ADGRB2: variants seen among roughly 807,000 people sequenced by gnomAD.
ADGRB2 encodes brain-specific angiogenesis inhibitor 2.
A neutral mutation model predicts 178.7 loss-of-function variants in ADGRB2; 47 were observed. That is an observed-to-expected ratio of 0.26 (90% CI 0.21 to 0.34). The LOEUF (loss-of-function observed/expected upper bound fraction) is 0.34, where lower values mean the gene tolerates loss of function less well. Ranked by LOEUF, ADGRB2 falls within the 10% of genes least tolerant of loss-of-function variation. The probability of loss-of-function intolerance (pLI) is 1.00; values close to 1 mark genes in which losing one functional copy is unlikely to be tolerated. For synonymous variants in ADGRB2, 870 were observed against 912.4 expected, an observed-to-expected ratio of 0.95 and a Z score of 0.84; for missense variants, 1,584 against 2,180.8, an observed-to-expected ratio of 0.73 and a Z score of 5.45.
chr1:31,745,617 G>A (rs903445619), intron 4 of ADGRB2, among the ~76,000 whole-genome samples: 1 of 152,224 alleles, frequency 6.6e-6, no homozygotes, highest in African/African-American at 2.4e-5. Context: ...AGAAGGGAAA[G>A]GCCCAGCAGC....
intron 4 of ADGRB2, among the ~76,000 whole-genome samples, chr1:31,746,814 T>G (rs1475991434): frequency 6.6e-6 from 1 of 151,974 alleles, no homozygotes; most frequent in Non-Finnish European, 1.5e-5. Flanking sequence ...CCACCCATTA[T>G]CCCTTCTCAT....
chr1:31,744,470 C>T lies in ADGRB2; in HGVS notation c.923-113G>A. 4.1e-6 allele frequency: 6 copies of T among 1,474,562 alleles called. No individual in the cohort carries two copies. The highest frequency in any genetic ancestry group is 5.5e-6 in the Non-Finnish European group (6 of 1,091,934). 91.3% of individuals were successfully genotyped at this position (1,474,562 alleles called of 1,614,324 possible). On this transcript the variant is annotated intron_variant, in intron 5 of 32. Coordinates refer to ENST00000373658, the MANE Select transcript of ADGRB2 (RefSeq NM_001364857.2). This position sits in a 1 kb window ranked among gnomAD's most constrained non-coding sequence, Gnocchi z 6.7. ...GCAGGCATCAGAGGGCTCCTCCTAC[C>T]CTGACCCCAAGTAACAGGCTCTTCA...
chr1:31,735,274 G>A lies in ADGRB2; in HGVS notation c.3361C>T (p.Arg1121Trp), dbSNP rs868151410. ...AGGAGCAGGCTGGCCCAGGGGCACC[G>A]CTCCGACCTCGGGGGCGGCACAGAC... is the stretch of plus-strand genomic sequence containing the variant. ...KSKKQRAGSE[R>W]CPWASLLLPC... is the part of the protein sequence containing the mutation. Residue 1121 changes from arginine (R) to tryptophan (W), a missense_variant, in exon 25 of 33, where the codon CGG becomes TGG. By Grantham distance (101) the Arg-to-Trp change is moderately radical. This residue lies in a region of ADGRB2 where 865 missense variants were observed against 1,192.8 expected (regional missense o/e 0.73). Transcript: ENST00000373658. This position sits in a 1 kb window ranked among gnomAD's most constrained non-coding sequence, Gnocchi z 6.0. The A allele has an allele frequency of 2.7e-6, 4 of 1,477,056 alleles. No individual in the cohort carries two copies. The highest frequency in any genetic ancestry group is 3.6e-6 in the Non-Finnish European group (4 of 1,105,752). 91.5% of individuals were successfully genotyped at this position (1,477,056 alleles called of 1,614,324 possible). A position where few individuals can be genotyped will look rare whatever the true frequency, so the allele number is the denominator to read the frequency against.
In ADGRB2 at chr1:31,727,461, G is replaced by A. The variant is rs1645042516; in HGVS notation, c.4717C>T (p.Pro1573Ser). ...LTLHRAAAWE[P>S]TEPPDGDFQT... ...AAGTCACCATCCGGTGGTTCTGTGGGCTCCCAGGCTGCTGCCCGGTGCAGA... is the reference window on the plus strand; with the variant it reads ...AAGTCACCATCCGGTGGTTCTGTGGACTCCCAGGCTGCTGCCCGGTGCAGA... Residue 1573 changes from proline to serine, a missense_variant, in exon 33 of 33, where the codon CCC becomes TCC. Pro to Ser is a moderately conservative substitution (Grantham distance 74, BLOSUM62 -1). Around this residue, in one of 3 missense-constraint regions of ADGRB2, gnomAD observed 865 missense variants for 1,192.8 expected, o/e 0.73. Coordinates refer to ENST00000373658, the MANE Select transcript of ADGRB2 (RefSeq NM_001364857.2). The surrounding 1 kb of genome is among the most constrained non-coding windows in gnomAD (Gnocchi z 4.4). The A allele has an allele frequency of 6.3e-7, 1 of 1,589,170 alleles. No individual in the cohort carries two copies. The highest frequency in any genetic ancestry group is 8.5e-7 in the Non-Finnish European group (1 of 1,173,030).
intron 29 of ADGRB2, among the ~76,000 whole-genome samples, chr1:31,730,170 G>A (rs1382589875): frequency 6.6e-6 from 1 of 152,228 alleles, no homozygotes; most frequent in East Asian, 1.9e-4. Flanking sequence ...AGGCCAGCGT[G>A]AAGGTGAAGG....
At position 31,728,784 on chromosome 1, in the gene ADGRB2, AGCTTTTCAG is replaced by A; in HGVS notation, c.4381-160_4381-152del. The A allele has an allele frequency of 1.6e-6, 1 of 632,858 alleles. No homozygotes were observed. 39.2% of individuals were successfully genotyped at this position (632,858 alleles called of 1,614,324 possible). On this transcript the variant is annotated intron_variant, in intron 29 of 32. Transcript: ENST00000373658. This position sits in a 1 kb window ranked among gnomAD's most constrained non-coding sequence, Gnocchi z 6.7. ...CAGAAGTTGCGGACCTTCATGGGGC[AGCTTTTCAG>A]GCCTCACTGAACACACACACACACA... is the stretch of plus-strand genomic sequence containing the variant.
rs758687411 is a variant in ADGRB2 at position 31,732,532 on chromosome 1, C to A, written c.3705G>T (p.Gly1235=). Residue 1235 remains glycine, a synonymous_variant, in exon 27 of 33, where the codon GGG becomes GGT. Coordinates refer to ENST00000373658, the MANE Select transcript of ADGRB2 (RefSeq NM_001364857.2). The part of the protein sequence containing the change: ...SEDSPDSCKN[G]QLQILSDFEK... The stretch of plus-strand genomic sequence containing the variant: ...CCTAACTCACCAGGATCTGCAGCTG[C>A]CCGTTCTTACACGAGTCAGGGGAGT... 6.2e-7 allele frequency: 1 copy of A among 1,614,066 alleles called. No individual in the cohort carries two copies. The highest frequency in any genetic ancestry group is 1.7e-5 in the Admixed American group (1 of 60,008).
In ADGRB2 at chr1:31,741,423, G is replaced by A; in HGVS notation, c.1744C>T (p.Pro582Ser). The change falls in exon 11 of 33, where the codon CCC becomes TCC. Residue 582 changes from proline to serine, a missense_variant. Physicochemically the swap from Pro to Ser is moderately conservative, Grantham distance 74. This residue lies in a region of ADGRB2 where 657 missense variants were observed against 847.6 expected (regional missense o/e 0.78). Transcript: ENST00000373658. This position sits in a 1 kb window ranked among gnomAD's most constrained non-coding sequence, Gnocchi z 6.5. ...TGGGAGATGCAGCGAGCAAAGCTGGGCAGCCCCCAGTACGCCACGCCTTGG... is the reference window on the plus strand; with the variant it reads ...TGGGAGATGCAGCGAGCAAAGCTGGACAGCCCCCAGTACGCCACGCCTTGG... ...SAQGVAYWGL[P>S]SFARCISHEY... 1 of 1,607,034 alleles carries A rather than the reference G, an allele frequency of 6.2e-7. No individual in the cohort carries two copies. The highest frequency in any genetic ancestry group is 8.5e-7 in the Non-Finnish European group (1 of 1,177,034).
At position 31,756,336 on chromosome 1, in the gene ADGRB2, G is replaced by A. The variant is rs867285873; in HGVS notation, c.501C>T (p.Ser167=). The A allele has an allele frequency of 1.7e-5, 28 of 1,612,936 alleles. No individual in the cohort carries two copies. In the Middle Eastern group the frequency reaches 1.8e-3, roughly 105 times the overall value. The change falls in exon 4 of 33, where the codon TCC becomes TCT. Residue 167 remains serine, a synonymous_variant. Coordinates refer to ENST00000373658, the MANE Select transcript of ADGRB2 (RefSeq NM_001364857.2). The surrounding 1 kb of genome is among the most constrained non-coding windows in gnomAD (Gnocchi z 8.5). ...CGGGCGCCAGCAGGCGCGGGGCCTC[G>A]GAGGGCTCAGCCGACAGGCACAGCT... ...FVQLCLSAEP[S]EAPRLLAPAA...
rs1454843449 is a variant in ADGRB2 at position 31,741,809 on chromosome 1, T to G, written c.1576A>C (p.Arg526=). Residue 526 remains arginine (R), a synonymous_variant, in exon 9 of 33, where the codon AGG becomes CGG. Transcript: ENST00000373658. This position sits in a 1 kb window ranked among gnomAD's most constrained non-coding sequence, Gnocchi z 6.5. Reference sequence around the variant, plus strand: ...GTCATTAGGGCAGTACCTGGACACCTCTTCTCACTACAAGGCTTCACCTCC... The same window carrying G: ...GTCATTAGGGCAGTACCTGGACACCGCTTCTCACTACAAGGCTTCACCTCC... ...GEEVKPCSEK[R]CPAFHEMCRD... is the part of the protein sequence containing the mutation. 1 of 1,592,938 alleles carries G rather than the reference T, an allele frequency of 6.3e-7. No homozygotes were observed. Among genetic ancestry groups the G allele is most frequent in the Non-Finnish European group, 8.6e-7 (1 of 1,165,682 alleles).
rs1645978057 is a variant in ADGRB2 at position 31,741,693 on chromosome 1, T to A, written c.1618A>T (p.Met540Leu). Residue 540 changes from methionine (M) to leucine (L), a missense_variant, in exon 10 of 33, where the codon ATG becomes TTG. Coordinates refer to ENST00000373658, the MANE Select transcript of ADGRB2 (RefSeq NM_001364857.2). This position sits in a 1 kb window ranked among gnomAD's most constrained non-coding sequence, Gnocchi z 6.5. ...FHEMCRDEYV[M>L]LMTWKKAAAG... is the part of the protein sequence containing the mutation. ...GCTGCCTTCTTCCACGTCATCAGCA[T>A]CACGTACTCATCCCTGCACATCTCA... 1.9e-6 allele frequency: 3 copies of A among 1,614,046 alleles called. No individual in the cohort carries two copies. The highest frequency in any genetic ancestry group is 8.5e-7 in the Non-Finnish European group (1 of 1,179,960).
rs372407666 is a variant in ADGRB2, at chr1:31,757,276, G to A, written c.-55C>T. The stretch of plus-strand genomic sequence containing the variant: ...GATCAGCTGTGAGGCATGTCACCGC[G>A]TAATCCTGTGGTAATTGTCAAAGTG... On this transcript the variant is annotated 5_prime_UTR_variant, in exon 3 of 33. In the 5' UTR this introduces an upstream ATG that the reference lacks. Coordinates refer to ENST00000373658, the MANE Select transcript of ADGRB2 (RefSeq NM_001364857.2). 1.5e-5 allele frequency: 24 copies of A among 1,602,380 alleles called. No homozygotes were observed. Among genetic ancestry groups the A allele is most frequent in the Admixed American group, 6.7e-5 (4 of 59,604 alleles).
In ADGRB2 at chr1:31,742,983, C is replaced by T. The variant is rs1395010823; in HGVS notation, c.1107G>A (p.Glu369=). The change falls in exon 7 of 33, where the codon GAG becomes GAA. Residue 369 remains glutamate, a synonymous_variant. Transcript: ENST00000373658. ...GGGAGCACAGGCTCCAGGACCCCCA[C>T]TCCTCCCACACGCCGTGCACTGCAA... The part of the protein sequence containing the change: ...ATCPVHGVWE[E]WGSWSLCSRS... The T allele has an allele frequency of 4.6e-6, 7 of 1,523,328 alleles. No homozygotes were observed. The highest frequency in any genetic ancestry group is 6.2e-6 in the Non-Finnish European group (7 of 1,133,554). The allele number at this position is 1,523,328 out of a possible 1,614,324, so 94.4% of individuals were successfully genotyped here. A position where few individuals can be genotyped will look rare whatever the true frequency, so the allele number is the denominator to read the frequency against.
chr1:31,731,080 C>A lies in ADGRB2; in HGVS notation c.4100G>T (p.Gly1367Val). Residue 1367 changes from glycine (G) to valine (V), a missense_variant, in exon 29 of 33, where the codon GGT becomes GTT. By Grantham distance (109) the Gly-to-Val change is moderately radical. This residue lies in a region of ADGRB2 where 865 missense variants were observed against 1,192.8 expected (regional missense o/e 0.73). Transcript: ENST00000373658. The part of the protein sequence containing the change: ...RTLSLQPGGG[G>V]GGGEDAPRAR... ...CCTGGGGGCATCCTCACCACCTCCA[C>A]CCCCACCGCCAGGCTGCAGGCTCAA... The A allele has an allele frequency of 6.4e-7, 1 of 1,574,184 alleles. No individual in the cohort carries two copies. The highest frequency in any genetic ancestry group is 8.6e-7 in the Non-Finnish European group (1 of 1,160,188).
Position 31,744,541 on chromosome 1 carries a change from G to A in ADGRB2, c.922+107C>T, listed in dbSNP as rs1557770261. On this transcript the variant is annotated intron_variant, in intron 5 of 32. Transcript: ENST00000373658. The surrounding 1 kb of genome is among the most constrained non-coding windows in gnomAD (Gnocchi z 6.7). ...CACAAGCTTCATGTGGCACAGACGC[G>A]ACTGAACTGCAGGACAGAGACAGAC... 39 of 1,466,882 alleles carry A rather than the reference G, an allele frequency of 2.7e-5. No homozygotes were observed. The South Asian group carries it at 3.6e-4, about 14-fold the overall frequency. 90.9% of individuals were successfully genotyped at this position (1,466,882 alleles called of 1,614,324 possible). A position where few individuals can be genotyped will look rare whatever the true frequency, so the allele number is the denominator to read the frequency against.
intron 6 of ADGRB2, among the ~76,000 whole-genome samples, chr1:31,743,292 C>A (rs1040557970): frequency 1.3e-5 from 2 of 152,064 alleles, no homozygotes; most frequent in Non-Finnish European, 2.9e-5. Flanking sequence ...GTCCTCCTCT[C>A]CTGAGGGCAC....
chr1:31,739,214 ATC>A, intron 15 of ADGRB2, 92 bp downstream of exon 15: 3 of 1,291,038 alleles, frequency 2.3e-6, no homozygotes, highest in Non-Finnish European at 3.1e-6. Flanking sequence ...GCTGCCATGG[ATC>A]TCTCTGCAGC....
chr1:31,732,106 C>T lies in ADGRB2; in HGVS notation c.3760+9G>A, dbSNP rs904966151. Reference sequence around the variant, plus strand: ...AGGACCATTCTCAGTTCTGCCACGGCACACTCACCTGTTTGACAAGCCAGA... The same window carrying T: ...AGGACCATTCTCAGTTCTGCCACGGTACACTCACCTGTTTGACAAGCCAGA... On this transcript the variant is annotated intron_variant, in intron 28 of 32. Transcript: ENST00000373658. 15 of 1,613,910 alleles carry T rather than the reference C, an allele frequency of 9.3e-6. No individual in the cohort carries two copies. Among genetic ancestry groups the T allele is most frequent in the Middle Eastern group, 3.3e-4 (2 of 6,082 alleles).
rs899324981 is a variant in ADGRB2, at chr1:31,733,943, C to T, written c.3453-800G>A. ...ACCCTCCCGGGCCAGGTGCCACACTCAGCCCACTCTCCTTCGCAAACACCC... is the reference window on the plus strand; with the variant it reads ...ACCCTCCCGGGCCAGGTGCCACACTTAGCCCACTCTCCTTCGCAAACACCC... On this transcript the variant is annotated intron_variant, in intron 25 of 32. Transcript: ENST00000373658. The surrounding 1 kb of genome is among the most constrained non-coding windows in gnomAD (Gnocchi z 4.3). 6.6e-6 allele frequency among the ~76,000 whole-genome samples: 1 copy of T among 152,230 alleles called. No individual in the cohort carries two copies. The highest frequency in any genetic ancestry group is 1.5e-5 in the Non-Finnish European group (1 of 68,038).
Sources: allele counts gnomAD v4.1 joint callset (sites outside exome capture counted in the v4.1 genomes callset), GRCh38; gene constraint gnomAD v4.1.1; regional missense constraint gnomAD v4.1.1; non-coding constraint Gnocchi (gnomAD v3.1); transcripts MANE v1.5; gene names NCBI Gene and HGNC (gene_info 2026-07-23, HGNC 2026-07-21).